The following PTPRD variants were observed in gnomAD, a reference collection of about 807,000 sequenced individuals.
PTPRD encodes protein tyrosine phosphatase receptor type D, also known as receptor-type tyrosine-protein phosphatase delta.
In PTPRD, 34 loss-of-function variants were observed where a neutral mutation model predicts 214.5. The ratio of observed to expected loss-of-function variants is 0.16; its 90% CI spans 0.12 to 0.21. PTPRD has a LOEUF of 0.21. Ranked by LOEUF, PTPRD falls within the 10% of genes least tolerant of loss-of-function variation. PTPRD has a pLI of 1.00. For synonymous variants in PTPRD, 1,128 were observed against 845.7 expected (o/e 1.33, Z -5.79); for missense variants, 2,545 against 2,398.7 (o/e 1.06, Z -1.27).
At chr9:8,930,039 C>A (rs2098940852) in intron 11 of PTPRD, among the ~76,000 whole-genome samples, 1 of 151,404 alleles carries the variant, frequency 6.6e-6, no homozygotes, top group Admixed American at 6.6e-5. Flanking sequence ...TATACATGTA[C>A]CATGTTGGTG....
intron 8 of PTPRD, among the ~76,000 whole-genome samples, chr9:9,483,696 C>G (rs1320109406): frequency 6.6e-6 from 1 of 151,828 alleles, no homozygotes; most frequent in Non-Finnish European, 1.5e-5. Context: ...AGAGGAGGCT[C>G]TGGATGCTCT....
intron 11 of PTPRD, among the ~76,000 whole-genome samples, chr9:8,835,592 C>T (rs2097401098): frequency 6.6e-6 from 1 of 152,180 alleles, no homozygotes; most frequent in Non-Finnish European, 1.5e-5. Context: ...TGCAGTGGCA[C>T]AATCATGGTT....
chr9:10,491,631 C>A (rs957793733), intron 2 of PTPRD, among the ~76,000 whole-genome samples: 1 of 151,748 alleles, frequency 6.6e-6, no homozygotes. Flanking sequence ...AAAATTTAGG[C>A]CCCATTAAAA....
chr9:9,994,936 A>G (rs542252378), intron 4 of PTPRD, among the ~76,000 whole-genome samples: 2 of 152,166 alleles, frequency 1.3e-5, no homozygotes, highest in South Asian at 4.1e-4. Flanking sequence ...AACTATATTC[A>G]CTGTATTTTA....
At position 9,852,160 on chromosome 9, in the gene PTPRD, T is replaced by TA. The variant is rs200642638; in HGVS notation, c.-367-85310dup. Among the ~76,000 whole-genome samples, 269 of 150,438 alleles carry TA rather than the reference T, an allele frequency of 1.8e-3. 1 individual carries two copies. Among genetic ancestry groups the TA allele is most frequent in the South Asian group, 6.7e-3 (32 of 4,774 alleles). On this transcript the variant is annotated intron_variant, in intron 5 of 45. Coordinates refer to ENST00000381196, the MANE Select transcript of PTPRD (RefSeq NM_002839.4). Reference sequence around the variant, plus strand: ...AATTATATGGCCAACTGAATCTAATTAAAAAAAAAATTTGTTTTTGAAATG... The same window carrying TA: ...AATTATATGGCCAACTGAATCTAATTAAAAAAAAAAATTTGTTTTTGAAATG...
chr9:9,828,468 A>G (rs533805187), intron 5 of PTPRD, among the ~76,000 whole-genome samples: 3 of 152,230 alleles, frequency 2.0e-5, no homozygotes, highest in African/African-American at 7.2e-5. Context: ...ACATGGACAC[A>G]GGAAGGGGAA....
intron 5 of PTPRD, among the ~76,000 whole-genome samples, chr9:9,919,897 G>A (rs1479883628): frequency 6.6e-6 from 1 of 152,058 alleles, no homozygotes; most frequent in Admixed American, 6.6e-5. Flanking sequence ...TAGGACTTCA[G>A]GAATTACAGT....
chr9:9,560,219 C>T lies in PTPRD; in HGVS notation c.-237+14513G>A, dbSNP rs2082555680. On this transcript the variant is annotated intron_variant, in intron 8 of 45. Coordinates refer to ENST00000381196, the MANE Select transcript of PTPRD (RefSeq NM_002839.4). ...TAACTCCCACAACTCAGCCAGGACA[C>T]AGGCACTAGAGGAAGTACACTCCAC... Among the ~76,000 whole-genome samples the T allele has an allele frequency of 2.0e-5, 3 of 152,194 alleles. No homozygotes were observed. The South Asian group carries it at 6.2e-4, about 32-fold the overall frequency.
chr9:8,874,593 C>A (rs10977328), intron 11 of PTPRD, among the ~76,000 whole-genome samples: 10 of 152,142 alleles, frequency 6.6e-5, no homozygotes, highest in Admixed American at 5.2e-4. Context: ...ACTTGGTTAC[C>A]TTGTTCTCCT....
At position 9,914,135 on chromosome 9, in the gene PTPRD, C is replaced by T. The variant is rs57333834; in HGVS notation, c.-368+24372G>A. On this transcript the variant is annotated intron_variant, in intron 5 of 45. Coordinates refer to ENST00000381196, the MANE Select transcript of PTPRD (RefSeq NM_002839.4). Reference sequence around the variant, plus strand: ...CCTTGAACTAGCCAAATGCTGCACTCCTTTCCCAATGCAGGAGAGAACTCC... The same window carrying T: ...CCTTGAACTAGCCAAATGCTGCACTTCTTTCCCAATGCAGGAGAGAACTCC... Among the ~76,000 whole-genome samples the T allele has an allele frequency of 5.3e-3, 811 of 152,296 alleles. 9 individuals are homozygous for T. The highest frequency in any genetic ancestry group is 0.019 in the African/African-American group (769 of 41,554).
intron 8 of PTPRD, among the ~76,000 whole-genome samples, chr9:9,484,855 T>C (rs2095562759): frequency 6.6e-6 from 1 of 152,144 alleles, no homozygotes; most frequent in Admixed American, 6.5e-5. Context: ...TTTTATTTTG[T>C]AGAGAAGCTT....
At chr9:9,394,436 T>C (rs779081108) in intron 9 of PTPRD, among the ~76,000 whole-genome samples, 3 of 152,160 alleles carry the variant, frequency 2.0e-5, no homozygotes, top group Non-Finnish European at 2.9e-5. Flanking sequence ...TCACAACTGA[T>C]TGGAAGTTTA....
chr9:9,212,549 T>A (rs1297832135), intron 9 of PTPRD, among the ~76,000 whole-genome samples: 1 of 152,170 alleles, frequency 6.6e-6, no homozygotes, highest in Admixed American at 6.5e-5. Flanking sequence ...TTGTTTTAAC[T>A]GCTAGCTTAT....
At chr9:8,791,281 A>G (rs946979648) in intron 11 of PTPRD, among the ~76,000 whole-genome samples, 1 of 151,938 alleles carries the variant, frequency 6.6e-6, no homozygotes, top group African/African-American at 2.4e-5. Flanking sequence ...GCTGGAGTGC[A>G]GTGGCGTGAT....
chr9:9,265,881 C>T (rs1022168121), intron 9 of PTPRD, among the ~76,000 whole-genome samples: 2 of 151,214 alleles, frequency 1.3e-5, no homozygotes, highest in African/African-American at 4.8e-5. Flanking sequence ...AAGTTCTTAC[C>T]CATCAATAAT....
At chr9:8,645,345 T>C (rs539709162) in intron 12 of PTPRD, among the ~76,000 whole-genome samples, 6 of 152,228 alleles carry the variant, frequency 3.9e-5, no homozygotes, top group African/African-American at 1.4e-4. Context: ...AAGTTTAGCA[T>C]GGTAGGCTAC....
intron 5 of PTPRD, among the ~76,000 whole-genome samples, chr9:9,826,179 T>C (rs1041639489): frequency 1.3e-5 from 2 of 151,844 alleles, no homozygotes; most frequent in Admixed American, 6.6e-5. Context: ...TTCTTTTTAC[T>C]TTCTAAAATA....
chr9:8,940,344 G>A (rs111951423), intron 11 of PTPRD, among the ~76,000 whole-genome samples: 120 of 127,328 alleles, frequency 9.4e-4, no homozygotes, highest in African/African-American at 3.4e-3. Context: ...GTGCAGTGGC[G>A]CAATCTTGGC....
chr9:8,826,426 T>A (rs1314529942), intron 11 of PTPRD, among the ~76,000 whole-genome samples: 1 of 152,134 alleles, frequency 6.6e-6, no homozygotes, highest in Non-Finnish European at 1.5e-5. Flanking sequence ...CCTGACCATT[T>A]TTCTCCAATC....
Sources: gnomAD v4.1 joint callset for allele counts (sites outside exome capture counted in the v4.1 genomes callset) on GRCh38, gnomAD v4.1.1 for gene constraint, MANE v1.5 for transcripts, NCBI Gene and HGNC (gene_info 2026-07-23, HGNC 2026-07-21) for gene names.